The following SPHKAP variants were observed in gnomAD, a reference collection of about 807,000 sequenced individuals.
SPHKAP encodes SPHK1 interactor, AKAP domain containing.
Under a neutral mutation model 137.5 loss-of-function variants are expected in SPHKAP, and 67 were observed. That is an observed-to-expected ratio of 0.49 (90% CI 0.40 to 0.60). The LOEUF (loss-of-function observed/expected upper bound fraction) is 0.60, where lower values mean the gene tolerates loss of function less well. Ranked by LOEUF, SPHKAP falls within the 20% of genes least tolerant of loss-of-function variation. The pLI, the probability that SPHKAP is intolerant of heterozygous loss-of-function variation, is 0.00. For synonymous variants in SPHKAP, 813 were observed against 785.3 expected, an observed-to-expected ratio of 1.04 and a Z score of -0.59; for missense variants, 2,097 against 2,069.3, an observed-to-expected ratio of 1.01 and a Z score of -0.26.
chr2:228,175,045 A>C (rs945347602), intron 1 of SPHKAP, among the ~76,000 whole-genome samples: 6 of 151,856 alleles, frequency 4.0e-5, no homozygotes, highest in Admixed American at 1.3e-4. Context: ...TAAAGGAAAC[A>C]AAAACAAAAT....
intron 3 of SPHKAP, among the ~76,000 whole-genome samples, chr2:228,108,368 T>C (rs543348071): frequency 2.0e-5 from 3 of 152,306 alleles, no homozygotes; most frequent in East Asian, 1.9e-4. Context: ...TATTAAAATG[T>C]ATGACTGTTT....
intron 1 of SPHKAP, among the ~76,000 whole-genome samples, chr2:228,151,153 T>A (rs1350585467): frequency 2.1e-4 from 32 of 150,110 alleles, no homozygotes; most frequent in East Asian, 1.4e-3. Flanking sequence ...CTCATTGTTC[T>A]ATTCCCATCT....
chr2:228,177,347 G>A (rs1477990806), intron 1 of SPHKAP, among the ~76,000 whole-genome samples: 1 of 152,088 alleles, frequency 6.6e-6, no homozygotes, highest in Non-Finnish European at 1.5e-5. Context: ...TACCTCTTGG[G>A]CAGTGTTACC....
chr2:227,986,903 A>C (rs13394238), intron 11 of SPHKAP, among the ~76,000 whole-genome samples: 40,117 of 152,132 alleles, frequency 0.26, 6,062 homozygotes, highest in Non-Finnish European at 0.34. Flanking sequence ...GGATCTAAAA[A>C]ACCAGGACCA....
Position 228,019,097 on chromosome 2 carries a change from C to T in SPHKAP, c.1757G>A (p.Ser586Asn). ...REEVTCSVAP[S>N]GSLPPAAEAS... ...CTCAGCTGCAGGCGGGAGGCTACCA[C>T]TTGGAGCCACTGAGCATGTCACCTC... Residue 586 changes from serine to asparagine, a missense_variant, in exon 7 of 12, where the codon AGT becomes AAT. Ser to Asn is a conservative substitution (Grantham distance 46, BLOSUM62 1). Transcript: ENST00000392056. 1 of 1,613,976 alleles carries T rather than the reference C, an allele frequency of 6.2e-7. No homozygotes were observed. The highest frequency in any genetic ancestry group is 1.1e-5 in the South Asian group (1 of 91,070).
intron 3 of SPHKAP, among the ~76,000 whole-genome samples, chr2:228,055,559 C>T (rs1205340956): frequency 1.3e-5 from 2 of 152,174 alleles, no homozygotes; most frequent in Non-Finnish European, 2.9e-5. Context: ...GAGATTCTTG[C>T]TCCTCCCTGC....
chr2:228,028,990 C>A (rs1042177365), intron 3 of SPHKAP, among the ~76,000 whole-genome samples: 1 of 152,154 alleles, frequency 6.6e-6, no homozygotes, highest in Non-Finnish European at 1.5e-5. Flanking sequence ...GGGACCATCA[C>A]TAGTGGGTTG....
At chr2:228,033,205 C>CA (rs1211204364) in intron 3 of SPHKAP, among the ~76,000 whole-genome samples, 1 of 151,314 alleles carries the variant, frequency 6.6e-6, no homozygotes, top group African/African-American at 2.4e-5. Context: ...AAATGGAAAA[C>CA]AAAAAAAGGC....
intron 11 of SPHKAP, among the ~76,000 whole-genome samples, chr2:227,988,146 TAAAAG>T (rs946723000): frequency 8.5e-5 from 13 of 152,184 alleles, no homozygotes; most frequent in African/African-American, 2.2e-4. Flanking sequence ...GTACTATTGA[TAAAAG>T]AAAGATTATC....
chr2:228,120,028 A>G (rs575592395), intron 2 of SPHKAP, among the ~76,000 whole-genome samples: 16 of 152,178 alleles, frequency 1.1e-4, no homozygotes, highest in Non-Finnish European at 1.8e-4. Flanking sequence ...AAAGTGTTGT[A>G]AAATAATGGA....
intron 3 of SPHKAP, among the ~76,000 whole-genome samples, chr2:228,086,651 C>G (rs930260726): frequency 6.6e-6 from 1 of 152,092 alleles, no homozygotes; most frequent in Admixed American, 6.6e-5. Flanking sequence ...GAAAGTCAAA[C>G]CGGACCTCGG....
At chr2:228,000,243 G>T (rs1229159809) in intron 7 of SPHKAP, among the ~76,000 whole-genome samples, 1 of 152,228 alleles carries the variant, frequency 6.6e-6, no homozygotes, top group Non-Finnish European at 1.5e-5. Context: ...ACTTTGGGAG[G>T]CCAAGGCGGG....
chr2:228,108,972 C>T (rs369581478), intron 2 of SPHKAP, 33 bp from the exon 3 acceptor site: 33 of 1,413,900 alleles, frequency 2.3e-5, no homozygotes, highest in Non-Finnish European at 2.6e-5. Flanking sequence ...AGTTCTTATT[C>T]GGCAATCCTT....
chr2:228,153,531 T>A (rs1352399671), intron 1 of SPHKAP, among the ~76,000 whole-genome samples: 1 of 152,194 alleles, frequency 6.6e-6, no homozygotes, highest in Non-Finnish European at 1.5e-5. Flanking sequence ...GTTGAAAGTA[T>A]CACTTTATTA....
At chr2:228,155,971 G>C (rs183948809) in intron 1 of SPHKAP, among the ~76,000 whole-genome samples, 10 of 152,270 alleles carry the variant, frequency 6.6e-5, no homozygotes, top group African/African-American at 2.4e-4. Flanking sequence ...CAGTTTATTA[G>C]CCAGCTTCTA....
At chr2:228,064,932 G>A (rs752859160) in intron 3 of SPHKAP, among the ~76,000 whole-genome samples, 3 of 152,190 alleles carry the variant, frequency 2.0e-5, no homozygotes, top group Admixed American at 6.5e-5. Flanking sequence ...TCTCAGCATG[G>A]TGTTTGAAGC....
chr2:228,156,664 G>C (rs1325053770), intron 1 of SPHKAP, among the ~76,000 whole-genome samples: 1 of 152,172 alleles, frequency 6.6e-6, no homozygotes, highest in Non-Finnish European at 1.5e-5. Context: ...ATCCTGAATT[G>C]TAGCTCCTAT....
At position 228,020,032 on chromosome 2, in the gene SPHKAP, G is replaced by A. The variant is rs1331082572; in HGVS notation, c.822C>T (p.Asn274=). 2.5e-5 allele frequency: 40 copies of A among 1,614,044 alleles called. No individual in the cohort carries two copies. Among genetic ancestry groups the A allele is most frequent in the South Asian group, 6.6e-5 (6 of 91,088 alleles). ...WLYALEDKYI[N]KYPTPLIKTE... ...TTTTAATCAATGGTGTGGGATATTT[G>A]TTGATGTATTTGTCTTCCAAAGCAT... The change falls in exon 7 of 12, where the codon AAC becomes AAT. Residue 274 remains asparagine, a synonymous_variant. Coordinates refer to ENST00000392056, the MANE Select transcript of SPHKAP (RefSeq NM_001142644.2).
chr2:228,147,740 C>T (rs565805553), intron 1 of SPHKAP, among the ~76,000 whole-genome samples: 11 of 152,150 alleles, frequency 7.2e-5, no homozygotes, highest in Non-Finnish European at 1.3e-4. Context: ...AATAAACATA[C>T]TTTATAGAGC....
Sources: gnomAD v4.1 joint callset for allele counts (sites outside exome capture counted in the v4.1 genomes callset) on GRCh38, gnomAD v4.1.1 for gene constraint, MANE v1.5 for transcripts, NCBI Gene and HGNC (gene_info 2026-07-23, HGNC 2026-07-21) for gene names.